QTMAN: variants seen among roughly 807,000 people sequenced by gnomAD.
The protein encoded by QTMAN is queuosine-tRNA mannosyltransferase, also known as tRNA-queuosine alpha-mannosyltransferase.
At chr2:144,257,767 G>A in the QTMAN span, among the ~76,000 whole-genome samples, 5 of 152,070 alleles carry the variant, frequency 3.3e-5, no homozygotes, top group African/African-American at 4.8e-5. Context: ...ATTCAAAAAT[G>A]AGTAACAACC....
At chr2:143,947,307 T>C in the QTMAN span, among the ~76,000 whole-genome samples, 13 of 152,228 alleles carry the variant, frequency 8.5e-5, no homozygotes, top group Non-Finnish European at 1.5e-4. Flanking sequence ...AATCTCAGTT[T>C]CTGATTGGTC....
At chr2:144,200,463 G>A in the QTMAN span, among the ~76,000 whole-genome samples, 6 of 152,110 alleles carry the variant, frequency 3.9e-5, no homozygotes, top group Non-Finnish European at 8.8e-5. Flanking sequence ...AGCCATGTTG[G>A]AAAAACAGTT....
At chr2:144,311,079 C>T in the QTMAN span, among the ~76,000 whole-genome samples, 2 of 152,102 alleles carry the variant, frequency 1.3e-5, no homozygotes, top group Admixed American at 1.3e-4. Context: ...GCACTTCACA[C>T]CTTTATTTTC....
chr2:144,259,216 T>C, the QTMAN span, among the ~76,000 whole-genome samples: 3 of 152,180 alleles, frequency 2.0e-5, no homozygotes, highest in African/African-American at 7.2e-5. Flanking sequence ...TGGAGTGCAG[T>C]GGCACAATCT....
the QTMAN span, among the ~76,000 whole-genome samples, chr2:144,011,062 G>A: frequency 5.9e-5 from 9 of 152,122 alleles, no homozygotes; most frequent in South Asian, 1.9e-3. Flanking sequence ...TACAAGCTAC[G>A]GTTTCCTTGT....
the QTMAN span, among the ~76,000 whole-genome samples, chr2:144,252,691 T>C: frequency 6.0e-4 from 91 of 152,306 alleles, 1 homozygote; most frequent in East Asian, 0.016. Context: ...AGTTTTGCAG[T>C]TCCTACAAAA....
chr2:144,021,805 C>T, the QTMAN span, among the ~76,000 whole-genome samples: 13 of 152,006 alleles, frequency 8.6e-5, no homozygotes, highest in African/African-American at 2.9e-4. Flanking sequence ...ATGCTGTAAA[C>T]ACAGAATATT....
At chr2:144,107,355 G>A in the QTMAN span, among the ~76,000 whole-genome samples, 1 of 152,056 alleles carries the variant, frequency 6.6e-6, no homozygotes, top group Non-Finnish European at 1.5e-5. Context: ...TTGATATACT[G>A]CTAGCAAGAC....
At chr2:144,033,535 T>C in the QTMAN span, among the ~76,000 whole-genome samples, 446 of 152,280 alleles carry the variant, frequency 2.9e-3, 22 homozygotes, top group East Asian at 0.073. Flanking sequence ...CCTGAAAGCT[T>C]TCCAAACCCT....
chr2:144,304,320 T>G, the QTMAN span, among the ~76,000 whole-genome samples: 1 of 152,180 alleles, frequency 6.6e-6, no homozygotes, highest in Admixed American at 6.5e-5. Context: ...CAAACAAAAC[T>G]AGCCCCAAAA....
At chr2:144,193,524 ATGTG>A in the QTMAN span, among the ~76,000 whole-genome samples, 1 of 147,254 alleles carries the variant, frequency 6.8e-6, no homozygotes, top group African/African-American at 2.5e-5. Flanking sequence ...GTGTGTGTGT[ATGTG>A]TGTGTGTAAA....
At chr2:144,293,001 A>T in the QTMAN span, among the ~76,000 whole-genome samples, 1 of 152,228 alleles carries the variant, frequency 6.6e-6, no homozygotes, top group African/African-American at 2.4e-5. Context: ...GATATTTTGT[A>T]AAAAATAATA....
the QTMAN span, among the ~76,000 whole-genome samples, chr2:144,136,542 A>G: frequency 6.6e-6 from 1 of 152,088 alleles, no homozygotes; most frequent in Non-Finnish European, 1.5e-5. Flanking sequence ...TGGATTTCAT[A>G]AGACTGAGAC....
At chr2:144,097,745 T>A in the QTMAN span, among the ~76,000 whole-genome samples, 1 of 152,198 alleles carries the variant, frequency 6.6e-6, no homozygotes, top group African/African-American at 2.4e-5. Flanking sequence ...TTTTGACATA[T>A]CTGGCTTCCT....
At chr2:144,218,515 T>C in the QTMAN span, among the ~76,000 whole-genome samples, 1 of 152,228 alleles carries the variant, frequency 6.6e-6, no homozygotes. Flanking sequence ...CAGACTGAGT[T>C]TGTGCAGGGT....
At chr2:144,237,772 G>A in the QTMAN span, among the ~76,000 whole-genome samples, 1 of 152,140 alleles carries the variant, frequency 6.6e-6, no homozygotes, top group African/African-American at 2.4e-5. Context: ...GGGTTGGTCT[G>A]AGTGATCAAC....
chr2:144,000,351 A>T, the QTMAN span, among the ~76,000 whole-genome samples: 1 of 152,044 alleles, frequency 6.6e-6, no homozygotes, highest in Non-Finnish European at 1.5e-5. Context: ...CTTTAAAGAC[A>T]AAATTCTTTA....
chr2:144,104,713 C>T, the QTMAN span, among the ~76,000 whole-genome samples: 9 of 152,330 alleles, frequency 5.9e-5, no homozygotes, highest in South Asian at 1.9e-3. Flanking sequence ...GCAGAAGAAA[C>T]CTCTGCAGAC....
chr2:144,242,960 T>TAAA, the QTMAN span, among the ~76,000 whole-genome samples: 712 of 77,774 alleles, frequency 9.2e-3, 13 homozygotes, highest in Non-Finnish European at 0.013. Context: ...AGACTCTACT[T>TAAA]AAAAAAAAAA....
Sources: gnomAD v4.1 joint callset for allele counts (sites outside exome capture counted in the v4.1 genomes callset) on GRCh38, gnomAD v4.1.1 for gene constraint, MANE v1.5 for transcripts, NCBI Gene and HGNC (gene_info 2026-07-23, HGNC 2026-07-21) for gene names.